The following MAGI2 variants were observed in gnomAD, a reference collection of about 807,000 sequenced individuals.
MAGI2 encodes the protein membrane associated guanylate kinase, WW and PDZ domain containing 2, also known as membrane-associated guanylate kinase, WW and PDZ domain-containing protein 2.
Under a neutral mutation model 133.3 loss-of-function variants are expected in MAGI2, and 35 were observed. The observed-to-expected ratio is 0.26, with a 90% CI of 0.20 to 0.35. The LOEUF is 0.35. MAGI2 is among the 10% of genes least tolerant of loss of function. The probability of loss-of-function intolerance (pLI) is 1.00; values close to 1 mark genes in which losing one functional copy is unlikely to be tolerated. For synonymous variants in MAGI2, 729 were observed against 710.6 expected (o/e 1.03, Z -0.41); for missense variants, 1,636 against 1,863.4 (o/e 0.88, Z 2.25).
intron 1 of MAGI2, among the ~76,000 whole-genome samples, chr7:79,331,211 G>A (rs1473127387): frequency 6.6e-6 from 1 of 151,926 alleles, no homozygotes; most frequent in South Asian, 2.1e-4. Context: ...AAATTTAAAG[G>A]CTTTGTGGTC....
chr7:78,263,643 A>G (rs2150967558), intron 9 of MAGI2, among the ~76,000 whole-genome samples: 1 of 152,162 alleles, frequency 6.6e-6, no homozygotes, highest in Admixed American at 6.6e-5. Flanking sequence ...GAGGGTGTGA[A>G]TAGTCTTCAT....
intron 9 of MAGI2, among the ~76,000 whole-genome samples, chr7:78,279,097 G>A (rs1454598180): frequency 6.6e-6 from 1 of 152,094 alleles, no homozygotes; most frequent in South Asian, 2.1e-4. Context: ...ACACTACCTG[G>A]TTTTACTAGT....
rs950948111 is a variant in MAGI2 at position 78,707,993 on chromosome 7, T to C, written c.419-80754A>G. Among the ~76,000 whole-genome samples, 3 of 152,082 alleles carry C rather than the reference T, an allele frequency of 2.0e-5. No homozygotes were observed. In the East Asian group the frequency reaches 5.8e-4, roughly 29 times the overall value. On this transcript the variant is annotated intron_variant, in intron 2 of 21. Transcript: ENST00000354212. ...ACTGTTTCCCTTTATAAGATTAATCTATATCCACCCATATAATGCCTCATT... is the reference window on the plus strand; with the variant it reads ...ACTGTTTCCCTTTATAAGATTAATCCATATCCACCCATATAATGCCTCATT...
intron 1 of MAGI2, among the ~76,000 whole-genome samples, chr7:79,391,974 A>T (rs945478529): frequency 9.9e-5 from 15 of 152,054 alleles, no homozygotes; most frequent in African/African-American, 3.1e-4. Context: ...CCCTGCATGC[A>T]TTAGATATTC....
At chr7:78,873,588 A>G (rs564506601) in intron 2 of MAGI2, among the ~76,000 whole-genome samples, 15 of 152,214 alleles carry the variant, frequency 9.9e-5, no homozygotes, top group African/African-American at 3.6e-4. Context: ...CACTGATTCT[A>G]CATTATGGTT....
At chr7:78,406,642 T>G (rs1276323638) in intron 6 of MAGI2, among the ~76,000 whole-genome samples, 2 of 152,048 alleles carry the variant, frequency 1.3e-5, no homozygotes, top group Non-Finnish European at 2.9e-5. Flanking sequence ...TCAGTTAGCA[T>G]TCCTTGCATT....
At chr7:78,469,263 T>C (rs1790947607) in intron 6 of MAGI2, among the ~76,000 whole-genome samples, 2 of 152,152 alleles carry the variant, frequency 1.3e-5, no homozygotes. Context: ...CTAGAATCAT[T>C]AGCCATATGG....
intron 9 of MAGI2, among the ~76,000 whole-genome samples, chr7:78,328,532 C>CCGTCT (rs1554346587): frequency 7.5e-6 from 1 of 133,706 alleles, no homozygotes; most frequent in Admixed American, 7.6e-5. Context: ...CACACACACC[C>CCGTCT]CTCTCTCTCT....
intron 2 of MAGI2, among the ~76,000 whole-genome samples, chr7:78,859,504 A>T (rs1439594324): frequency 6.6e-6 from 1 of 152,154 alleles, no homozygotes; most frequent in Non-Finnish European, 1.5e-5. Flanking sequence ...TATGAAGCTT[A>T]GTTTGACTGG....
chr7:78,255,308 C>G (rs1055270608), intron 10 of MAGI2: 1 of 156,378 alleles, frequency 6.4e-6, no homozygotes, highest in Non-Finnish European at 1.4e-5. Context: ...AGCCCTCACC[C>G]TGTTCTGTAA....
chr7:79,114,267 C>T (rs1030919363), intron 1 of MAGI2, among the ~76,000 whole-genome samples: 5 of 152,132 alleles, frequency 3.3e-5, no homozygotes, highest in African/African-American at 9.7e-5. Flanking sequence ...GAACACTTTC[C>T]TCCTTACTCT....
intron 3 of MAGI2, among the ~76,000 whole-genome samples, chr7:78,562,265 G>T (rs1209926763): frequency 2.5e-4 from 38 of 152,106 alleles, no homozygotes; most frequent in Admixed American, 2.5e-3. Flanking sequence ...TTATTAATTT[G>T]TGTTCCTTCT....
At chr7:78,454,809 A>T (rs1789129347) in intron 6 of MAGI2, among the ~76,000 whole-genome samples, 1 of 152,174 alleles carries the variant, frequency 6.6e-6, no homozygotes, top group Non-Finnish European at 1.5e-5. Context: ...AAGGGAAAGA[A>T]GTCTGAAAGG....
intron 9 of MAGI2, among the ~76,000 whole-genome samples, chr7:78,289,531 G>T (rs1304548849): frequency 1.3e-5 from 2 of 152,182 alleles, no homozygotes; most frequent in African/African-American, 4.8e-5. Flanking sequence ...CACTCTTCAG[G>T]ATATCATCCA....
rs567917413 is a variant in MAGI2 at position 78,560,460 on chromosome 7, T to G, written c.539-38815A>C. The stretch of plus-strand genomic sequence containing the variant: ...TAGCATGGAAAAATGTCAGATCTGA[T>G]GTGGCAAAACGTAATCATTGGAACA... On this transcript the variant is annotated intron_variant, in intron 3 of 21. Transcript: ENST00000354212. Among the ~76,000 whole-genome samples the G allele has an allele frequency of 3.9e-5, 6 of 152,290 alleles. No individual in the cohort carries two copies. The South Asian group carries it at 1.2e-3, about 32-fold the overall frequency.
At chr7:78,183,606 C>G (rs1827403864) in intron 13 of MAGI2, among the ~76,000 whole-genome samples, 1 of 151,972 alleles carries the variant, frequency 6.6e-6, no homozygotes, top group African/African-American at 2.4e-5. Flanking sequence ...GCTTTGCTGC[C>G]CAAGCTAGAG....
At chr7:78,071,162 C>T (rs1386497473) in intron 21 of MAGI2, among the ~76,000 whole-genome samples, 1 of 152,188 alleles carries the variant, frequency 6.6e-6, no homozygotes, top group Non-Finnish European at 1.5e-5. Flanking sequence ...GTGATTTCAT[C>T]CTCATCCTAA....
intron 1 of MAGI2, among the ~76,000 whole-genome samples, chr7:79,235,614 C>G (rs539225724): frequency 6.6e-6 from 1 of 152,214 alleles, no homozygotes; most frequent in Non-Finnish European, 1.5e-5. Context: ...CGACCCCTTG[C>G]GCTTCCCAAG....
chr7:78,017,946 T>C lies in MAGI2; in HGVS notation c.*1369A>G, dbSNP rs571926747. 1 of 152,352 alleles carries C rather than the reference T, an allele frequency of 6.6e-6. No homozygotes were observed. The highest frequency in any genetic ancestry group is 2.4e-5 in the African/African-American group (1 of 41,580). The allele number at this position is 152,352 out of a possible 1,614,324, so 9.4% of individuals were successfully genotyped here. On this transcript the variant is annotated 3_prime_UTR_variant, in exon 22 of 22. Coordinates refer to ENST00000354212, the MANE Select transcript of MAGI2 (RefSeq NM_012301.4). ...TCATTCGGGCATATTAAAAAGAAATTGCCTTCAGAAACACTTTGCCTTTTA... is the reference window on the plus strand; with the variant it reads ...TCATTCGGGCATATTAAAAAGAAATCGCCTTCAGAAACACTTTGCCTTTTA...
Sources: allele counts gnomAD v4.1 joint callset (sites outside exome capture counted in the v4.1 genomes callset), GRCh38; gene constraint gnomAD v4.1.1; transcripts MANE v1.5; gene names NCBI Gene and HGNC (gene_info 2026-07-23, HGNC 2026-07-21).